The following MAEA variants were observed in gnomAD, a reference collection of about 807,000 sequenced individuals.
MAEA encodes macrophage erythroblast attacher, E3 ubiquitin ligase.
In MAEA, 22 loss-of-function variants were observed where a neutral mutation model predicts 46.2. That is an observed-to-expected ratio of 0.48 (90% CI 0.34 to 0.68). MAEA has a LOEUF of 0.68. MAEA is among the 30% of genes least tolerant of loss of function. The pLI, the probability that MAEA is intolerant of heterozygous loss-of-function variation, is 0.01. For missense variants in MAEA, 393 were observed against 558.1 expected (o/e 0.70, Z 2.98); for synonymous variants, 246 against 222.6 (o/e 1.11, Z -0.94).
chr4:1,332,890 G>A (rs903174453), intron 6 of MAEA, 25 bp downstream of exon 6: 10 of 1,564,132 alleles, frequency 6.4e-6, no homozygotes, highest in Non-Finnish European at 8.8e-6. Context: ...CCTGGGGTCG[G>A]TGTCATGCTG....
rs540264280 is a variant in MAEA, at chr4:1,325,349, G to A, written c.580-2278G>A. 2.8e-4 allele frequency among the ~76,000 whole-genome samples: 42 copies of A among 152,368 alleles called. No homozygotes were observed. In the South Asian group the frequency reaches 4.3e-3, roughly 16 times the overall value. On this transcript the variant is annotated intron_variant, in intron 4 of 8. Transcript: ENST00000303400. ...GGAGCCATCAGTGTGGGCGCCTGTC[G>A]CAGGGCGGGCACAGCCTTGTTGGCG...
chr4:1,302,126 C>G (rs1345601143), intron 1 of MAEA, among the ~76,000 whole-genome samples: 1 of 151,958 alleles, frequency 6.6e-6, no homozygotes, highest in African/African-American at 2.4e-5. Flanking sequence ...CTAAGAAAAT[C>G]TAAGAAAACA....
intron 1 of MAEA, among the ~76,000 whole-genome samples, chr4:1,307,578 A>G (rs996722740): frequency 2.6e-5 from 4 of 152,220 alleles, no homozygotes; most frequent in African/African-American, 9.6e-5. Flanking sequence ...ATAGAGGTAG[A>G]TGAGGGGATT....
intron 1 of MAEA, among the ~76,000 whole-genome samples, chr4:1,307,545 C>T (rs998568586): frequency 6.6e-6 from 1 of 152,232 alleles, no homozygotes; most frequent in Non-Finnish European, 1.5e-5. Flanking sequence ...TACTTGTCCC[C>T]AGGGGGACGG....
chr4:1,339,190 C>T lies in MAEA; in HGVS notation c.*21C>T, dbSNP rs569453337. ...TGTAGGCCCCACGTCGTGAAGCGCA[C>T]GCCTCGGGGACGGGCTGCAGTGGGC... On this transcript the variant is annotated 3_prime_UTR_variant, in exon 9 of 9. Coordinates refer to ENST00000303400, the MANE Select transcript of MAEA (RefSeq NM_001017405.3). 2.9e-5 allele frequency: 46 copies of T among 1,595,050 alleles called. 1 individual carries two copies. In the Middle Eastern group the frequency reaches 1.2e-3, roughly 40 times the overall value.
chr4:1,327,697 C>T lies in MAEA; in HGVS notation c.650C>T (p.Ala217Val). The change falls in exon 5 of 9, where the codon GCT (alanine) becomes GTT (valine). Residue 217 changes from alanine (A) to valine (V), a missense_variant. Ala to Val is a moderately conservative substitution (Grantham distance 64). Around this residue, in one of 2 missense-constraint regions of MAEA, gnomAD observed 358 missense variants for 537.9 expected, o/e 0.67. Coordinates refer to ENST00000303400, the MANE Select transcript of MAEA (RefSeq NM_001017405.3). ...ATCCGGCAGAATAAGAGACTGGACG[C>T]TGTGAGGTAGGCATTGCGGACGTGC... Reference protein sequence around the residue: ...ELIRQNKRLDAVRHARKHFSQ... With the variant: ...ELIRQNKRLDVVRHARKHFSQ... The T allele has an allele frequency of 6.2e-7, 1 of 1,613,684 alleles. No individual in the cohort carries two copies. Among genetic ancestry groups the T allele is most frequent in the Non-Finnish European group, 8.5e-7 (1 of 1,179,876 alleles).
chr4:1,289,937 T>C lies in MAEA; in HGVS notation c.24T>C (p.Ala8=). Residue 8 remains alanine (A), a synonymous_variant, in exon 1 of 9, where the codon GCT becomes GCC. Transcript: ENST00000303400. ...AGATGGCGGTGCAGGAGTCGGCGGC[T>C]CAGTTGTCCATGACCCTGAAGGTCC... MAVQESA[A]QLSMTLKVQE... 1.2e-6 allele frequency: 2 copies of C among 1,601,940 alleles called. No homozygotes were observed. Among genetic ancestry groups the C allele is most frequent in the Non-Finnish European group, 1.7e-6 (2 of 1,174,010 alleles).
intron 5 of MAEA, chr4:1,328,624 C>G: frequency 4.0e-6 from 5 of 1,248,790 alleles, no homozygotes; most frequent in Non-Finnish European, 5.2e-6. Context: ...GACTCCATAT[C>G]CACCTGCAGT....
rs936501390 is a variant in MAEA, at chr4:1,328,773, G to A, written c.656+1070G>A. The A allele has an allele frequency of 6.0e-5, 68 of 1,134,272 alleles. No individual in the cohort carries two copies. In the African/African-American group the frequency reaches 9.5e-4, roughly 16 times the overall value. 70.3% of individuals were successfully genotyped at this position (1,134,272 alleles called of 1,614,324 possible). On this transcript the variant is annotated intron_variant, in intron 5 of 8. Coordinates refer to ENST00000303400, the MANE Select transcript of MAEA (RefSeq NM_001017405.3). ...CCTTGCGTGGACCCTGGAGAGGCCC[G>A]GGGTCCTGCTCCGGCTCCTGATGCT...
In MAEA at chr4:1,305,756, CACGTGCGCACGCGTGCGTGT is replaced by C. The variant is rs560617337; in HGVS notation, c.70-6221_70-6202del. Among the ~76,000 whole-genome samples, 165 of 128,356 alleles carry C rather than the reference CACGTGCGCACGCGTGCGTGT, an allele frequency of 1.3e-3. 1 individual carries two copies. Among genetic ancestry groups the C allele is most frequent in the African/African-American group, 3.9e-3 (157 of 40,248 alleles). The allele number at this position is 128,356 out of a possible 152,430, so 84.2% of individuals were successfully genotyped here. On this transcript the variant is annotated intron_variant, in intron 1 of 8. Transcript: ENST00000303400. Reference sequence around the variant, plus strand: ...GCGTGTGTGGGAGTGTGCGTGCGTGCACGTGCGCACGCGTGCGTGTAAGGAGCTGTGTCACAAAGAATTGG... The same window carrying C: ...GCGTGTGTGGGAGTGTGCGTGCGTGCAAGGAGCTGTGTCACAAAGAATTGG...
chr4:1,296,568 G>A (rs111468881), intron 1 of MAEA, among the ~76,000 whole-genome samples: 26 of 151,054 alleles, frequency 1.7e-4, no homozygotes, highest in African/African-American at 5.6e-4. Flanking sequence ...TCTGTTGGTC[G>A]GTTTTCCCAT....
At chr4:1,329,310 C>A in intron 5 of MAEA, 1 of 982,886 alleles carries the variant, frequency 1.0e-6, no homozygotes, top group Non-Finnish European at 1.2e-6. Flanking sequence ...TGTGTTCCCC[C>A]CGCTCCGTGT....
intron 1 of MAEA, among the ~76,000 whole-genome samples, chr4:1,308,383 G>C (rs1577158767): frequency 6.6e-6 from 1 of 152,300 alleles, no homozygotes; most frequent in South Asian, 2.1e-4. Flanking sequence ...CATGTGGGTG[G>C]CTTCTGCCTC....
In MAEA at chr4:1,312,423, A is replaced by ATTTTTTT. The variant is rs34329974; in HGVS notation, c.252+280_252+286dup. On this transcript the variant is annotated intron_variant, in intron 2 of 8. Coordinates refer to ENST00000303400, the MANE Select transcript of MAEA (RefSeq NM_001017405.3). ...ACCAGGATGTATAGCAGGTTGATTG[A>ATTTTTTT]TTTTTTTTTTTTTTTTTTTTTTTTG... is the stretch of plus-strand genomic sequence containing the variant. The ATTTTTTT allele has an allele frequency of 2.5e-3, 423 of 171,980 alleles. 49 individuals are homozygous for ATTTTTTT. Among genetic ancestry groups the ATTTTTTT allele is most frequent in the African/African-American group, 0.019 (381 of 20,368 alleles). 10.7% of individuals were successfully genotyped at this position (171,980 alleles called of 1,614,324 possible). A position where few individuals can be genotyped will look rare whatever the true frequency, so the allele number is the denominator to read the frequency against.
chr4:1,338,734 G>A (rs1162724434), intron 8 of MAEA, 117 bp downstream of exon 8: 13 of 864,854 alleles, frequency 1.5e-5, no homozygotes, highest in Non-Finnish European at 2.1e-5. Flanking sequence ...GGACAGGGCT[G>A]TGTGGGACGG....
intron 1 of MAEA, among the ~76,000 whole-genome samples, chr4:1,302,941 G>A (rs533464452): frequency 3.0e-4 from 45 of 152,234 alleles, no homozygotes; most frequent in Middle Eastern, 3.4e-3. Flanking sequence ...AAACAATGGC[G>A]AGTTGTTGGG....
At chr4:1,329,139 C>T (rs768722254) in intron 5 of MAEA, 3 of 985,630 alleles carry the variant, frequency 3.0e-6, no homozygotes, top group Non-Finnish European at 2.4e-6. Flanking sequence ...CCCGGAGTCC[C>T]TCCGTCACAG....
intron 1 of MAEA, among the ~76,000 whole-genome samples, chr4:1,302,838 A>G (rs1254330445): frequency 6.6e-6 from 1 of 152,216 alleles, no homozygotes; most frequent in African/African-American, 2.4e-5. Flanking sequence ...AGATATACAA[A>G]TGGCCACTAA....
At chr4:1,325,092 A>G (rs1738633914) in intron 4 of MAEA, among the ~76,000 whole-genome samples, 1 of 152,194 alleles carries the variant, frequency 6.6e-6, no homozygotes, top group Non-Finnish European at 1.5e-5. Context: ...CTGTCTGTGC[A>G]GTCTGCTCAC....
Sources: allele counts gnomAD v4.1 joint callset (sites outside exome capture counted in the v4.1 genomes callset), GRCh38; gene constraint gnomAD v4.1.1; regional missense constraint gnomAD v4.1.1; transcripts MANE v1.5; gene names NCBI Gene and HGNC (gene_info 2026-07-23, HGNC 2026-07-21).